BCAS3: variants seen among roughly 807,000 people sequenced by gnomAD.
BCAS3 encodes BCAS4/BCAS3 fusion.
Under a neutral mutation model 116.1 loss-of-function variants are expected in BCAS3, and 53 were observed. That is an observed-to-expected ratio of 0.46 (90% confidence interval 0.37 to 0.57). The LOEUF (loss-of-function observed/expected upper bound fraction) is 0.57, where lower values mean the gene tolerates loss of function less well. Ranked by LOEUF, BCAS3 falls within the 20% of genes least tolerant of loss-of-function variation. The pLI is 0.00. For missense variants in BCAS3, 917 were observed against 1,165.4 expected, an observed-to-expected ratio of 0.79 and a Z score of 3.10; for synonymous variants, 391 against 408.2, an observed-to-expected ratio of 0.96 and a Z score of 0.51.
At chr17:60,827,666 A>T (rs2050552172) in intron 7 of BCAS3, among the ~76,000 whole-genome samples, 1 of 152,210 alleles carries the variant, frequency 6.6e-6, no homozygotes. Flanking sequence ...AAGCCATCAC[A>T]TTCCAATCAA....
At chr17:61,242,063 G>C (rs545356247) in intron 22 of BCAS3, among the ~76,000 whole-genome samples, 1 of 152,202 alleles carries the variant, frequency 6.6e-6, no homozygotes, top group East Asian at 1.9e-4. Context: ...GATCACCTGA[G>C]GTTGGGAATT....
rs2061549698 is a variant in BCAS3, at chr17:60,964,181, T to C, written c.1221+16829T>C. On this transcript the variant is annotated intron_variant, in intron 14 of 23. Coordinates refer to ENST00000407086, the MANE Select transcript of BCAS3 (RefSeq NM_017679.5). The surrounding 1 kb of genome is among the most constrained non-coding windows in gnomAD (Gnocchi z 4.6). ...ATGGTAGCTGTGGATTTGTCATATA[T>C]GGTCTTTATTATTTTGAAGTATGTT... Among the ~76,000 whole-genome samples the C allele has an allele frequency of 6.6e-6, 1 of 152,220 alleles. No homozygotes were observed. The highest frequency in any genetic ancestry group is 2.1e-4 in the South Asian group (1 of 4,828).
rs567280787 is a variant in BCAS3, at chr17:61,032,447, T to C, written c.1638-2219T>C. Reference sequence around the variant, plus strand: ...TCCCAAAACTCCTAAGGATTAAAAATGACCAGTGGTACCTCAAAGATACCA... The same window carrying C: ...TCCCAAAACTCCTAAGGATTAAAAACGACCAGTGGTACCTCAAAGATACCA... On this transcript the variant is annotated intron_variant, in intron 16 of 23. Coordinates refer to ENST00000407086, the MANE Select transcript of BCAS3 (RefSeq NM_017679.5). This position sits in a 1 kb window ranked among gnomAD's most constrained non-coding sequence, Gnocchi z 4.6. 2.0e-5 allele frequency among the ~76,000 whole-genome samples: 3 copies of C among 152,244 alleles called. No homozygotes were observed. The East Asian group carries it at 5.8e-4, about 29-fold the overall frequency.
chr17:61,060,645 T>C (rs1224903383), intron 19 of BCAS3, among the ~76,000 whole-genome samples: 2 of 152,206 alleles, frequency 1.3e-5, no homozygotes, highest in East Asian at 3.8e-4. Flanking sequence ...TTTTGAAACA[T>C]TCATAAAATA....
At chr17:61,287,988 T>G (rs946977953) in intron 22 of BCAS3, among the ~76,000 whole-genome samples, 2 of 152,222 alleles carry the variant, frequency 1.3e-5, no homozygotes, top group Non-Finnish European at 2.9e-5. Flanking sequence ...GAATCGGGAC[T>G]CGAACTTGGT....
chr17:60,975,083 G>C (rs1481207491), intron 14 of BCAS3, among the ~76,000 whole-genome samples: 1 of 150,388 alleles, frequency 6.6e-6, no homozygotes, highest in Non-Finnish European at 1.5e-5. Flanking sequence ...CTCACTGCAA[G>C]CTCCGCCTCC....
intron 5 of BCAS3, among the ~76,000 whole-genome samples, chr17:60,746,286 C>A (rs199839638): frequency 6.6e-6 from 1 of 151,988 alleles, no homozygotes; most frequent in Non-Finnish European, 1.5e-5. Context: ...AAGATAAACT[C>A]GTAGTTCTGT....
chr17:61,058,802 A>G (rs901629336), intron 19 of BCAS3, among the ~76,000 whole-genome samples: 1 of 152,194 alleles, frequency 6.6e-6, no homozygotes, highest in Non-Finnish European at 1.5e-5. Flanking sequence ...CAGACATTGA[A>G]TAGACAAACA....
At chr17:60,978,799 G>A (rs1296902910) in intron 14 of BCAS3, among the ~76,000 whole-genome samples, 1 of 146,856 alleles carries the variant, frequency 6.8e-6, no homozygotes, top group Non-Finnish European at 1.5e-5. Context: ...GTTTGTCAAA[G>A]ATCAGATAGT....
At chr17:60,773,518 C>T (rs185298662) in intron 6 of BCAS3, among the ~76,000 whole-genome samples, 6 of 152,060 alleles carry the variant, frequency 3.9e-5, no homozygotes, top group Non-Finnish European at 5.9e-5. Flanking sequence ...GTCTTAAACT[C>T]TCGGACTCAA....
Position 60,705,547 on chromosome 17 carries a change from AAG to A in BCAS3, c.215-3670_215-3669del, listed in dbSNP as rs2037015877. ...AAAAAAAAAGAAAAGAAAATCATGAAAGAAGTTGTAGATATGGCAAAAAAGAT... is the reference window on the plus strand; with the variant it reads ...AAAAAAAAAGAAAAGAAAATCATGAAAAGTTGTAGATATGGCAAAAAAGAT... On this transcript the variant is annotated intron_variant, in intron 4 of 23. Coordinates refer to ENST00000407086, the MANE Select transcript of BCAS3 (RefSeq NM_017679.5). Among the ~76,000 whole-genome samples, 5 of 151,830 alleles carry A rather than the reference AAG, an allele frequency of 3.3e-5. 1 individual carries two copies. In the South Asian group the frequency reaches 1.0e-3, roughly 32 times the overall value.
intron 4 of BCAS3, among the ~76,000 whole-genome samples, chr17:60,695,721 C>T (rs568551653): frequency 1.1e-4 from 16 of 152,290 alleles, no homozygotes; most frequent in African/African-American, 3.4e-4. Context: ...GCCTTAGCCT[C>T]CCAAGTAGCT....
At chr17:61,329,563 G>T (rs1241845987) in intron 22 of BCAS3, among the ~76,000 whole-genome samples, 1 of 151,384 alleles carries the variant, frequency 6.6e-6, no homozygotes, top group African/African-American at 2.4e-5. Context: ...GGATGGTCTC[G>T]ATCTCCTGAT....
chr17:60,755,583 T>C (rs1032029980), intron 6 of BCAS3, among the ~76,000 whole-genome samples: 7 of 152,358 alleles, frequency 4.6e-5, no homozygotes, highest in Non-Finnish European at 1.5e-5. Flanking sequence ...ACACACTCCA[T>C]GTACATGATG....
At chr17:60,796,884 T>C (rs1328906103) in intron 6 of BCAS3, among the ~76,000 whole-genome samples, 1 of 152,156 alleles carries the variant, frequency 6.6e-6, no homozygotes, top group African/African-American at 2.4e-5. Flanking sequence ...GCCTTTGCTA[T>C]ATCCCAGAGG....
intron 14 of BCAS3, among the ~76,000 whole-genome samples, chr17:60,950,076 CA>C (rs1470210994): frequency 6.6e-6 from 1 of 151,982 alleles, no homozygotes; most frequent in Non-Finnish European, 1.5e-5. Context: ...TATAAAAAGA[CA>C]TTTTTCAGAC....
rs186621827 is a variant in BCAS3 at position 61,249,156 on chromosome 17, G to C, written c.2426-119171G>C. ...CAAAAAATTAGCCGGGAATGGTGGC[G>C]GGTGCCTGTAATCCCAGCTACTCGG... On this transcript the variant is annotated intron_variant, in intron 22 of 23. Coordinates refer to ENST00000407086, the MANE Select transcript of BCAS3 (RefSeq NM_017679.5). This position sits in a 1 kb window ranked among gnomAD's most constrained non-coding sequence, Gnocchi z 6.2. Among the ~76,000 whole-genome samples the C allele has an allele frequency of 1.3e-5, 2 of 151,876 alleles. No homozygotes were observed. Among genetic ancestry groups the C allele is most frequent in the Non-Finnish European group, 2.9e-5 (2 of 67,980 alleles).
intron 22 of BCAS3, among the ~76,000 whole-genome samples, chr17:61,298,985 G>A (rs2053196312): frequency 6.6e-6 from 1 of 151,828 alleles, no homozygotes; most frequent in Non-Finnish European, 1.5e-5. Flanking sequence ...ACCATACCCG[G>A]CTACTTTTTA....
chr17:61,054,728 G>A (rs1176404814), intron 19 of BCAS3, among the ~76,000 whole-genome samples: 1 of 152,080 alleles, frequency 6.6e-6, no homozygotes, highest in African/African-American at 2.4e-5. Flanking sequence ...CTCTATAAAG[G>A]GCTGCTTTTT....
Sources: allele counts gnomAD v4.1 joint callset (sites outside exome capture counted in the v4.1 genomes callset), GRCh38; gene constraint gnomAD v4.1.1; non-coding constraint Gnocchi (gnomAD v3.1); transcripts MANE v1.5; gene names NCBI Gene and HGNC (gene_info 2026-07-23, HGNC 2026-07-21).